CAMKMT: variants seen among roughly 807,000 people sequenced by gnomAD.
CAMKMT encodes calmodulin-lysine N-methyltransferase, also known as CaM KMT.
A neutral mutation model predicts 48.0 loss-of-function variants in CAMKMT; 53 were observed. The observed-to-expected ratio is 1.10, with a 90% confidence interval of 0.89 to 1.39. The LOEUF is 1.39. Ranked by LOEUF, CAMKMT falls within the 40% of genes most tolerant of loss-of-function variation. CAMKMT has a pLI of 0.00. For synonymous variants in CAMKMT, 165 were observed against 152.3 expected (o/e 1.08, Z -0.61); for missense variants, 428 against 402.7 (o/e 1.06, Z -0.54).
chr2:44,385,929 A>G (rs184238521), intron 2 of CAMKMT, among the ~76,000 whole-genome samples: 1 of 152,008 alleles, frequency 6.6e-6, no homozygotes, highest in Non-Finnish European at 1.5e-5. Flanking sequence ...ATCAGTCTGT[A>G]GTTTTCTTTT....
At chr2:44,523,973 C>G (rs1034075240) in intron 3 of CAMKMT, among the ~76,000 whole-genome samples, 11 of 151,722 alleles carry the variant, frequency 7.3e-5, no homozygotes, top group Non-Finnish European at 1.5e-4. Context: ...GATGGGGTTT[C>G]ATCATGTTGG....
intron 3 of CAMKMT, among the ~76,000 whole-genome samples, chr2:44,481,544 TCA>T (rs1318566133): frequency 2.0e-5 from 3 of 152,080 alleles, no homozygotes; most frequent in Non-Finnish European, 4.4e-5. Flanking sequence ...AAAATTAATT[TCA>T]GTTTATATTA....
At chr2:44,600,301 C>T (rs1670910417) in intron 3 of CAMKMT, among the ~76,000 whole-genome samples, 1 of 151,722 alleles carries the variant, frequency 6.6e-6, no homozygotes, top group African/African-American at 2.4e-5. Flanking sequence ...GAGTGTCGCT[C>T]TGTTGCCCAG....
chr2:44,650,851 GA>G (rs11362435), intron 3 of CAMKMT, among the ~76,000 whole-genome samples: 77,490 of 143,996 alleles, frequency 0.54, 21,455 homozygotes, highest in Admixed American at 0.65. Context: ...TATTGCACAA[GA>G]AAAAAAAAAA....
chr2:44,636,929 T>G (rs1157942220), intron 3 of CAMKMT, among the ~76,000 whole-genome samples: 1 of 152,164 alleles, frequency 6.6e-6, no homozygotes, highest in Non-Finnish European at 1.5e-5. Flanking sequence ...CTCAAACAAC[T>G]GAGGTAACAT....
At chr2:44,584,327 T>G (rs1178274708) in intron 3 of CAMKMT, among the ~76,000 whole-genome samples, 1 of 152,240 alleles carries the variant, frequency 6.6e-6, no homozygotes, top group African/African-American at 2.4e-5. Context: ...GTGGTACATT[T>G]TTATTTATGA....
chr2:44,507,252 G>A (rs936679793), intron 3 of CAMKMT, among the ~76,000 whole-genome samples: 5 of 152,036 alleles, frequency 3.3e-5, no homozygotes, highest in Non-Finnish European at 5.9e-5. Flanking sequence ...AATTCTTTTT[G>A]TCATTACAAA....
chr2:44,713,145 A>G (rs1041582993), intron 6 of CAMKMT, among the ~76,000 whole-genome samples: 1 of 152,208 alleles, frequency 6.6e-6, no homozygotes, highest in Admixed American at 6.5e-5. Flanking sequence ...TCACAGGTTT[A>G]TAAATTGTAT....
chr2:44,502,013 A>G (rs1025211730), intron 3 of CAMKMT, among the ~76,000 whole-genome samples: 5 of 152,166 alleles, frequency 3.3e-5, no homozygotes, highest in African/African-American at 9.7e-5. Flanking sequence ...AGTGCCTCAC[A>G]CATGTAATGT....
intron 3 of CAMKMT, among the ~76,000 whole-genome samples, chr2:44,480,422 T>C (rs1668908178): frequency 6.6e-6 from 1 of 152,200 alleles, no homozygotes; most frequent in African/African-American, 2.4e-5. Flanking sequence ...TGCTAATTAT[T>C]GTGTTTAGTT....
intron 3 of CAMKMT, among the ~76,000 whole-genome samples, chr2:44,439,600 A>C (rs894575630): frequency 6.6e-6 from 1 of 151,956 alleles, no homozygotes; most frequent in Non-Finnish European, 1.5e-5. Flanking sequence ...GCACTTTGGG[A>C]GGCTGAAGCA....
At chr2:44,506,217 C>A (rs879142322) in intron 3 of CAMKMT, among the ~76,000 whole-genome samples, 1 of 151,972 alleles carries the variant, frequency 6.6e-6, no homozygotes, top group Admixed American at 6.6e-5. Flanking sequence ...GTAAATGTTC[C>A]TAAGCTAAGT....
chr2:44,605,531 A>C (rs1671235421), intron 3 of CAMKMT, among the ~76,000 whole-genome samples: 1 of 152,172 alleles, frequency 6.6e-6, no homozygotes, highest in Non-Finnish European at 1.5e-5. Context: ...TAAAGTAATG[A>C]GAATAACTCA....
At chr2:44,438,129 T>A (rs1345182785) in intron 3 of CAMKMT, among the ~76,000 whole-genome samples, 1 of 152,190 alleles carries the variant, frequency 6.6e-6, no homozygotes, top group African/African-American at 2.4e-5. Context: ...AAGTAATTTC[T>A]TAACTAGATC....
chr2:44,625,380 A>G (rs75957488), intron 3 of CAMKMT, among the ~76,000 whole-genome samples: 1 of 152,134 alleles, frequency 6.6e-6, no homozygotes, highest in Non-Finnish European at 1.5e-5. Flanking sequence ...TATATAACCT[A>G]TACAAATACA....
intron 3 of CAMKMT, among the ~76,000 whole-genome samples, chr2:44,660,063 C>T (rs1674598449): frequency 6.6e-6 from 1 of 152,112 alleles, no homozygotes; most frequent in South Asian, 2.1e-4. Flanking sequence ...TTCAAAATAA[C>T]ATTAAACTCA....
chr2:44,524,315 T>G (rs1572712064), intron 3 of CAMKMT, among the ~76,000 whole-genome samples: 1 of 152,126 alleles, frequency 6.6e-6, no homozygotes, highest in Non-Finnish European at 1.5e-5. Context: ...CCAGTAACAT[T>G]ACTCCCCAAT....
chr2:44,452,713 A>G (rs1667355240), intron 3 of CAMKMT, among the ~76,000 whole-genome samples: 1 of 152,044 alleles, frequency 6.6e-6, no homozygotes, highest in African/African-American at 2.4e-5. Flanking sequence ...CTGTATTTAC[A>G]TGAGTGTGCA....
chr2:44,632,032 A>G (rs1027048152), intron 3 of CAMKMT, among the ~76,000 whole-genome samples: 3 of 152,140 alleles, frequency 2.0e-5, no homozygotes, highest in South Asian at 2.1e-4. Context: ...TACAGATGTC[A>G]TAAACCTCAC....
Sources: allele counts gnomAD v4.1 joint callset (sites outside exome capture counted in the v4.1 genomes callset), GRCh38; gene constraint gnomAD v4.1.1; transcripts MANE v1.5; gene names NCBI Gene and HGNC (gene_info 2026-07-23, HGNC 2026-07-21).